Variants in SLC36A1 observed in about 807,000 individuals in gnomAD.
The protein encoded by SLC36A1 is solute carrier family 36 member 1.
A neutral mutation model predicts 47.5 loss-of-function variants in SLC36A1; 30 were observed. The ratio of observed to expected loss-of-function variants is 0.63; its 90% CI spans 0.47 to 0.86. The LOEUF (loss-of-function observed/expected upper bound fraction) is 0.86, where lower values mean the gene tolerates loss of function less well. Ranked by LOEUF, SLC36A1 falls within the 40% of genes least tolerant of loss-of-function variation. The pLI is 0.00. For synonymous variants in SLC36A1, 255 were observed against 249.7 expected (o/e 1.02, Z -0.20); for missense variants, 517 against 606.0 (o/e 0.85, Z 1.54).
At chr5:151,422,812 C>T in the SLC36A1 span, among the ~76,000 whole-genome samples, 193 of 152,182 alleles carry the variant, frequency 1.3e-3, 6 homozygotes, top group East Asian at 0.027. Flanking sequence ...AGTAGTGGCA[C>T]GTGTCTGTAA....
At chr5:151,507,050 G>C in the SLC36A1 span, 3 of 983,768 alleles carry the variant, frequency 3.0e-6, no homozygotes, top group African/African-American at 3.3e-5. Flanking sequence ...CAAAGGGTTG[G>C]ATGCGTGGTA....
At chr5:151,386,028 C>T in the SLC36A1 span, among the ~76,000 whole-genome samples, 4 of 151,886 alleles carry the variant, frequency 2.6e-5, no homozygotes, top group Admixed American at 6.6e-5. Context: ...CCCGCCACCA[C>T]GTCTCGCTAA....
chr5:151,390,358 C>A, the SLC36A1 span, among the ~76,000 whole-genome samples: 1 of 152,134 alleles, frequency 6.6e-6, no homozygotes, highest in Non-Finnish European at 1.5e-5. Flanking sequence ...CTGTAGGTTG[C>A]CTGATCACTC....
intron 5 of SLC36A1, 98 bp from the exon 6 acceptor site, chr5:151,467,101 A>C: frequency 1.1e-6 from 1 of 909,906 alleles, no homozygotes. Context: ...TGTACTCCCT[A>C]AATCTATTAA....
At chr5:151,545,831 G>T in the SLC36A1 span, 2 of 1,613,982 alleles carry the variant, frequency 1.2e-6, no homozygotes, top group Non-Finnish European at 1.7e-6. Flanking sequence ...TCACTAATTT[G>T]GCCCACAAAA....
chr5:151,350,761 G>A, the SLC36A1 span, among the ~76,000 whole-genome samples: 2 of 152,028 alleles, frequency 1.3e-5, no homozygotes, highest in Non-Finnish European at 2.9e-5. Flanking sequence ...GAGTGCAATG[G>A]TGTGATCGCG....
intron 10 of SLC36A1, among the ~76,000 whole-genome samples, chr5:151,483,482 C>A (rs1252830394): frequency 7.4e-6 from 1 of 134,460 alleles, no homozygotes; most frequent in African/African-American, 3.2e-5. Flanking sequence ...ATACAAATGT[C>A]TTCCTTTTTG....
chr5:151,384,908 A>G, the SLC36A1 span, among the ~76,000 whole-genome samples: 4 of 152,188 alleles, frequency 2.6e-5, no homozygotes, highest in Non-Finnish European at 1.5e-5. Context: ...AACAAAATAT[A>G]AAGTCAAAAA....
the SLC36A1 span, among the ~76,000 whole-genome samples, chr5:151,514,497 T>G: frequency 1.3e-5 from 2 of 152,234 alleles, no homozygotes; most frequent in African/African-American, 4.8e-5. Context: ...CTCCACCTGC[T>G]CTATACAGAC....
At chr5:151,351,122 G>A in the SLC36A1 span, among the ~76,000 whole-genome samples, 14 of 152,198 alleles carry the variant, frequency 9.2e-5, no homozygotes, top group African/African-American at 3.4e-4. Context: ...CACAGTCAGT[G>A]CCCAGAGAGG....
chr5:151,506,866 A>G, the SLC36A1 span, among the ~76,000 whole-genome samples: 1 of 151,830 alleles, frequency 6.6e-6, no homozygotes, highest in African/African-American at 2.4e-5. Flanking sequence ...CCCCCTTCTC[A>G]CTCCAAGGGT....
the SLC36A1 span, among the ~76,000 whole-genome samples, chr5:151,541,852 G>A: frequency 1.3e-5 from 2 of 152,208 alleles, no homozygotes; most frequent in African/African-American, 4.8e-5. Context: ...CTTAGGACCT[G>A]TGATTGACTA....
At chr5:151,502,697 C>A in the SLC36A1 span, among the ~76,000 whole-genome samples, 1 of 148,290 alleles carries the variant, frequency 6.7e-6, no homozygotes, top group Non-Finnish European at 1.5e-5. Context: ...TCATTCACTG[C>A]TGGTGGGAAC....
the SLC36A1 span, among the ~76,000 whole-genome samples, chr5:151,391,585 G>T: frequency 1.3e-5 from 2 of 152,010 alleles, no homozygotes; most frequent in Admixed American, 6.6e-5. Flanking sequence ...CATCAATACC[G>T]AATTTATTGA....
the SLC36A1 span, among the ~76,000 whole-genome samples, chr5:151,532,539 C>T: frequency 1.3e-5 from 2 of 152,180 alleles, no homozygotes; most frequent in Non-Finnish European, 2.9e-5. Flanking sequence ...GTAAGATGCT[C>T]CCATTAGGGA....
chr5:151,505,190 A>C, the SLC36A1 span: 1 of 321,928 alleles, frequency 3.1e-6, no homozygotes, highest in Non-Finnish European at 5.8e-6. Flanking sequence ...CAGGTATGAG[A>C]ATGCATCTTG....
chr5:151,458,875 G>T lies in SLC36A1; in HGVS notation c.83G>T (p.Gly28Val). The change falls in exon 2 of 11, where the codon GGC becomes GTC. Residue 28 changes from glycine to valine, a missense_variant. By Grantham distance (109) the Gly-to-Val change is moderately radical. Coordinates refer to ENST00000243389, the MANE Select transcript of SLC36A1 (RefSeq NM_078483.4). Reference sequence around the variant, plus strand: ...AGCCCTGAGGAGAGCCCGTCGGAAGGCCTCAACAACCTCTCCTCCCCGGGC... The same window carrying T: ...AGCCCTGAGGAGAGCCCGTCGGAAGTCCTCAACAACCTCTCCTCCCCGGGC... ...DVSPEESPSEGLNNLSSPGSY... is the reference protein window; with the variant it reads ...DVSPEESPSEVLNNLSSPGSY... 2 of 1,614,046 alleles carry T rather than the reference G, an allele frequency of 1.2e-6. No individual in the cohort carries two copies. Among genetic ancestry groups the T allele is most frequent in the Non-Finnish European group, 1.7e-6 (2 of 1,180,000 alleles).
the SLC36A1 span, among the ~76,000 whole-genome samples, chr5:151,547,955 T>A: frequency 6.6e-6 from 1 of 152,188 alleles, no homozygotes; most frequent in Non-Finnish European, 1.5e-5. Flanking sequence ...ACTTCTATAA[T>A]CAGAAGAATA....
At chr5:151,498,242 G>A in the SLC36A1 span, among the ~76,000 whole-genome samples, 4 of 152,186 alleles carry the variant, frequency 2.6e-5, no homozygotes, top group Non-Finnish European at 4.4e-5. Context: ...ACTGCGCACG[G>A]CCAGGGGGGT....
Sources: allele counts gnomAD v4.1 joint callset (sites outside exome capture counted in the v4.1 genomes callset), GRCh38; gene constraint gnomAD v4.1.1; transcripts MANE v1.5; gene names NCBI Gene and HGNC (gene_info 2026-07-23, HGNC 2026-07-21).